ATP2A1: variants seen among roughly 807,000 people sequenced by gnomAD.
The protein encoded by ATP2A1 is sarcoplasmic/endoplasmic reticulum calcium ATPase 1.
ATP2A1 carries 83 observed loss-of-function variants against 109.5 expected under a neutral mutation model. The ratio of observed to expected loss-of-function variants is 0.76; its 90% CI spans 0.63 to 0.91. ATP2A1 has a LOEUF of 0.91. Ranked by LOEUF, ATP2A1 falls within the 40% of genes least tolerant of loss-of-function variation. ATP2A1 has a pLI of 0.00. For missense variants in ATP2A1, 1,101 were observed against 1,341.0 expected (o/e 0.82, Z 2.80); for synonymous variants, 505 against 537.6 (o/e 0.94, Z 0.84).
chr16:28,891,334 A>C (rs1300261743), intron 9 of ATP2A1, among the ~76,000 whole-genome samples: 1 of 143,328 alleles, frequency 7.0e-6, no homozygotes, highest in African/African-American at 2.6e-5. Context: ...GTGGCTCACG[A>C]CTGTAATCCC....
Position 28,887,633 on chromosome 16 carries a change from A to G in ATP2A1, c.839A>G (p.Asn280Ser), listed in dbSNP as rs143777158. The stretch of plus-strand genomic sequence containing the variant: ...TGGCTTATCAACATTGGCCACTTCA[A>G]CGACCCCGTCCATGGGGGCTCCTGG... Reference protein sequence around the residue: ...AVWLINIGHFNDPVHGGSWFR... With the variant: ...AVWLINIGHFSDPVHGGSWFR... The change falls in exon 8 of 23, where the codon AAC becomes AGC. Residue 280 changes from asparagine to serine, a missense_variant. Coordinates refer to ENST00000395503, the MANE Select transcript of ATP2A1 (RefSeq NM_004320.6). 1,321 of 1,614,074 alleles carry G rather than the reference A, an allele frequency of 8.2e-4. 16 individuals carry two copies. In the African/African-American group the frequency reaches 0.014, roughly 17 times the overall value.
intron 3 of ATP2A1, chr16:28,879,880 T>G: frequency 1.6e-6 from 1 of 618,646 alleles, no homozygotes; most frequent in Non-Finnish European, 2.2e-6. Flanking sequence ...AACTCCGGGC[T>G]CCGGGTCCCG....
In ATP2A1 at chr16:28,880,983, G is replaced by A; in HGVS notation, c.288G>A (p.Leu96=). 1 of 1,614,186 alleles carries A rather than the reference G, an allele frequency of 6.2e-7. No individual in the cohort carries two copies. Among genetic ancestry groups the A allele is most frequent in the Non-Finnish European group, 8.5e-7 (1 of 1,180,034 alleles). ...TTGTTGAACCCTTTGTCATCCTCTT[G>A]ATCCTCATTGCCAATGCCATCGTGG... ...TAFVEPFVIL[L]ILIANAIVGV... Residue 96 remains leucine, a synonymous_variant, in exon 4 of 23, where the codon TTG becomes TTA. Transcript: ENST00000395503. This position sits in a 1 kb window ranked among gnomAD's most constrained non-coding sequence, Gnocchi z 4.2.
rs1963546176 is a variant in ATP2A1 at position 28,883,602 on chromosome 16, A to C, written c.464-973A>C. Among the ~76,000 whole-genome samples, 1 of 152,112 alleles carries C rather than the reference A, an allele frequency of 6.6e-6. No homozygotes were observed. The highest frequency in any genetic ancestry group is 1.5e-5 in the Non-Finnish European group (1 of 68,020). On this transcript the variant is annotated intron_variant, in intron 5 of 22. Coordinates refer to ENST00000395503, the MANE Select transcript of ATP2A1 (RefSeq NM_004320.6). The surrounding 1 kb of genome is among the most constrained non-coding windows in gnomAD (Gnocchi z 5.2). ...TGCGGAATTAGGCAGCGGCCCTGGG[A>C]GATTCTTAGCCTCCTCCTAAGGTCT...
At position 28,878,712 on chromosome 16, in the gene ATP2A1, C is replaced by A. The variant is rs1320892017; in HGVS notation, c.41C>A (p.Ala14Asp). The change falls in exon 1 of 23, where the codon GCC becomes GAC. Residue 14 changes from alanine (A) to aspartate (D), a missense_variant. Coordinates refer to ENST00000395503, the MANE Select transcript of ATP2A1 (RefSeq NM_004320.6). ...AHAKTTEECL[A>D]YFGVSETTGL... is the part of the protein sequence containing the mutation. ...GCTAAAACCACGGAGGAATGTTTGGCCTATTTTGGGGTGAGTGAGACCACG... is the reference window on the plus strand; with the variant it reads ...GCTAAAACCACGGAGGAATGTTTGGACTATTTTGGGGTGAGTGAGACCACG... 1.2e-6 allele frequency: 2 copies of A among 1,611,770 alleles called. No individual in the cohort carries two copies. Among genetic ancestry groups the A allele is most frequent in the Middle Eastern group, 1.6e-4 (1 of 6,062 alleles).
Position 28,880,796 on chromosome 16 carries a change from GC to G in ATP2A1, c.220-116del. ...GGCCACAGCGCCCCGACGGTGCCCG[GC>G]CCTCCTGCTGGCTCCTGCACTCTCC... On this transcript the variant is annotated intron_variant, in intron 3 of 22. Coordinates refer to ENST00000395503, the MANE Select transcript of ATP2A1 (RefSeq NM_004320.6). This position sits in a 1 kb window ranked among gnomAD's most constrained non-coding sequence, Gnocchi z 4.2. 2.0e-6 allele frequency: 2 copies of G among 990,590 alleles called. No individual in the cohort carries two copies. The highest frequency in any genetic ancestry group is 3.2e-6 in the Non-Finnish European group (2 of 624,964). The allele number at this position is 990,590 out of a possible 1,614,324, so 61.4% of individuals were successfully genotyped here. A position where few individuals can be genotyped will look rare whatever the true frequency, so the allele number is the denominator to read the frequency against.
At chr16:28,891,412 T>C (rs1963770773) in intron 9 of ATP2A1, among the ~76,000 whole-genome samples, 1 of 149,618 alleles carries the variant, frequency 6.7e-6, no homozygotes, top group South Asian at 2.1e-4. Flanking sequence ...CTGACCAACA[T>C]GGAGAAACCC....
chr16:28,902,710 G>T lies in ATP2A1; in HGVS notation c.2610+45G>T, dbSNP rs763657927. On this transcript the variant is annotated intron_variant, in intron 18 of 22. Coordinates refer to ENST00000395503, the MANE Select transcript of ATP2A1 (RefSeq NM_004320.6). The surrounding 1 kb of genome is among the most constrained non-coding windows in gnomAD (Gnocchi z 4.8). ...GAGGGGACCAGGAGGGTGTGGGGAT[G>T]CAGGAGGGTACCAGGAGGGTGGCAT... 6.8e-6 allele frequency: 11 copies of T among 1,613,912 alleles called. No individual in the cohort carries two copies. The highest frequency in any genetic ancestry group is 8.5e-6 in the Non-Finnish European group (10 of 1,179,876).
At chr16:28,899,763 C>A (rs907117418) in intron 14 of ATP2A1, among the ~76,000 whole-genome samples, 1 of 146,970 alleles carries the variant, frequency 6.8e-6, no homozygotes, top group Non-Finnish European at 1.5e-5. Flanking sequence ...GAGTTTGAGA[C>A]CAACCTGGCC....
chr16:28,882,278 T>C (rs1041078029), intron 4 of ATP2A1, among the ~76,000 whole-genome samples, 173 bp from the exon 5 acceptor site: 3 of 152,022 alleles, frequency 2.0e-5, no homozygotes, highest in African/African-American at 7.3e-5. Flanking sequence ...TTGATTCTTC[T>C]TTGTTCCCTC....
chr16:28,878,849 C>T (rs1457141528), intron 1 of ATP2A1, 60 bp downstream of exon 1: 9 of 1,536,754 alleles, frequency 5.9e-6, no homozygotes, highest in South Asian at 1.1e-5. Context: ...CCAAAACACA[C>T]GCACACGCAT....
rs528436481 is a variant in ATP2A1 at position 28,880,818 on chromosome 16, T to C, written c.220-97T>C. 583 of 1,230,554 alleles carry C rather than the reference T, an allele frequency of 4.7e-4. 3 individuals carry two copies. Among genetic ancestry groups the C allele is most frequent in the African/African-American group, 6.1e-4 (41 of 67,376 alleles). 76.2% of individuals were successfully genotyped at this position (1,230,554 alleles called of 1,614,324 possible). On this transcript the variant is annotated intron_variant, in intron 3 of 22. Coordinates refer to ENST00000395503, the MANE Select transcript of ATP2A1 (RefSeq NM_004320.6). This position sits in a 1 kb window ranked among gnomAD's most constrained non-coding sequence, Gnocchi z 4.2. The stretch of plus-strand genomic sequence containing the variant: ...CCGGCCCTCCTGCTGGCTCCTGCAC[T>C]CTCCTGCACAGTTCTCCCCTTTGCA...
chr16:28,884,462 C>T, intron 5 of ATP2A1, 113 bp from the exon 6 acceptor site: 1 of 1,067,002 alleles, frequency 9.4e-7, no homozygotes, highest in East Asian at 2.5e-5. Context: ...GGGAGCCTCC[C>T]TGAGACCTGA....
Position 28,882,669 on chromosome 16 carries a change from G to A in ATP2A1, c.463+80G>A, listed in dbSNP as rs898727362. 1.8e-5 allele frequency: 28 copies of A among 1,574,620 alleles called. No homozygotes were observed. In the Admixed American group the frequency reaches 3.1e-4, roughly 18 times the overall value. On this transcript the variant is annotated intron_variant, in intron 5 of 22. Transcript: ENST00000395503. ...GAGATGCCGGGGGCTGGTCAGGCTC[G>A]GATCCAGGTGTCCAGGAGGATGACG...
rs1003146865 is a variant in ATP2A1, at chr16:28,894,296, C to T, written c.1184+53C>T. The T allele has an allele frequency of 2.4e-4, 366 of 1,547,378 alleles. 2 individuals are homozygous for T. Among genetic ancestry groups the T allele is most frequent in the Middle Eastern group, 1.5e-3 (9 of 5,910 alleles). ...GCTCCTCACGCCCCTTCCCACACCC[C>T]CTTTCTCCCTGGGGCCCTCCATGTG... On this transcript the variant is annotated intron_variant, in intron 10 of 22. Transcript: ENST00000395503.
At chr16:28,900,958 A>G (rs1964059280) in intron 15 of ATP2A1, 42 bp downstream of exon 15, 2 of 1,609,688 alleles carry the variant, frequency 1.2e-6, no homozygotes, top group Admixed American at 1.7e-5. Flanking sequence ...GTCCACGGAG[A>G]TGACCAGATG....
At chr16:28,879,624 A>G in intron 3 of ATP2A1, 41 bp downstream of exon 3, 1 of 1,598,322 alleles carries the variant, frequency 6.3e-7, no homozygotes, top group Non-Finnish European at 8.6e-7. Context: ...TGGGGGTGTG[A>G]GGCTGGGATC....
chr16:28,900,473 C>G lies in ATP2A1; in HGVS notation c.1765-108C>G, dbSNP rs565289430. ...CCCAGGGTTCAGGCTTCCCACCCCTCCCCACCACTTCCTGACCTTTCACCC... is the reference window on the plus strand; with the variant it reads ...CCCAGGGTTCAGGCTTCCCACCCCTGCCCACCACTTCCTGACCTTTCACCC... On this transcript the variant is annotated intron_variant, in intron 14 of 22. Coordinates refer to ENST00000395503, the MANE Select transcript of ATP2A1 (RefSeq NM_004320.6). The G allele has an allele frequency of 5.3e-6, 4 of 754,226 alleles. No individual in the cohort carries two copies. In the East Asian group the frequency reaches 1.0e-4, roughly 19 times the overall value. 46.7% of individuals were successfully genotyped at this position (754,226 alleles called of 1,614,324 possible). A position where few individuals can be genotyped will look rare whatever the true frequency, so the allele number is the denominator to read the frequency against.
At position 28,902,883 on chromosome 16, in the gene ATP2A1, A is replaced by AC; in HGVS notation, c.2718dup (p.Ile907HisfsTer45). The AC allele has an allele frequency of 6.2e-7, 1 of 1,613,826 alleles. No individual in the cohort carries two copies. Among genetic ancestry groups the AC allele is most frequent in the Middle Eastern group, 1.6e-4 (1 of 6,062 alleles). ...GACCATGGCCCTGTCCGTGCTGGTG[A>AC]CCATCGAGATGTGCAATGCACTGAA... On this transcript the variant is annotated frameshift_variant, in exon 19 of 23. Transcript: ENST00000395503. LOFTEE classifies it high-confidence loss of function. The surrounding 1 kb of genome is among the most constrained non-coding windows in gnomAD (Gnocchi z 4.8).
Sources: allele counts gnomAD v4.1 joint callset (sites outside exome capture counted in the v4.1 genomes callset), GRCh38; gene constraint gnomAD v4.1.1; non-coding constraint Gnocchi (gnomAD v3.1); transcripts MANE v1.5; gene names NCBI Gene and HGNC (gene_info 2026-07-23, HGNC 2026-07-21).